RHOU: variants seen among roughly 807,000 people sequenced by gnomAD.
The protein encoded by RHOU is rho-related GTP-binding protein RhoU.
RHOU carries 8 observed loss-of-function variants against 12.6 expected under a neutral mutation model. That is an observed-to-expected ratio of 0.64 (90% confidence interval 0.37 to 1.15). The LOEUF (loss-of-function observed/expected upper bound fraction) is 1.15, where lower values mean the gene tolerates loss of function less well. Among genes scored for constraint, RHOU ranks in the 50% most tolerant of loss-of-function variants. The pLI is 0.01. For synonymous variants in RHOU, 161 were observed against 147.4 expected, an observed-to-expected ratio of 1.09 and a Z score of -0.67; for missense variants, 258 against 347.0, an observed-to-expected ratio of 0.74 and a Z score of 2.04.
Position 228,743,905 on chromosome 1 carries a change from CTTGT to C in RHOU, c.*173_*176del, listed in dbSNP as rs1203201132. 9.7e-5 allele frequency: 61 copies of C among 626,710 alleles called. No homozygotes were observed. Among genetic ancestry groups the C allele is most frequent in the Middle Eastern group, 3.4e-4 (1 of 2,974 alleles). The allele number at this position is 626,710 out of a possible 1,614,324, so 38.8% of individuals were successfully genotyped here. On this transcript the variant is annotated 3_prime_UTR_variant, in exon 3 of 3. Transcript: ENST00000366691. This position sits in a 1 kb window ranked among gnomAD's most constrained non-coding sequence, Gnocchi z 5.1. ...ATGTATTCTTTCTGCCTTTAATTTT[CTTGT>C]TTGTTTGAGCTTAGGGATGAGATAC...
chr1:228,728,658 A>G, the RHOU span, among the ~76,000 whole-genome samples: 1 of 152,208 alleles, frequency 6.6e-6, no homozygotes, highest in African/African-American at 2.4e-5. Context: ...AATATGATTT[A>G]TATGTTTGAA....
chr1:228,729,900 C>T, the RHOU span, among the ~76,000 whole-genome samples: 1 of 152,204 alleles, frequency 6.6e-6, no homozygotes, highest in Non-Finnish European at 1.5e-5. Flanking sequence ...GGCAGGGAAA[C>T]TAGTATCAGC....
chr1:228,677,816 A>G, the RHOU span, among the ~76,000 whole-genome samples: 1 of 152,210 alleles, frequency 6.6e-6, no homozygotes. Flanking sequence ...GAGCCACTAA[A>G]TACCAAGAGC....
the RHOU span, chr1:228,652,623 T>A: frequency 3.3e-5 from 5 of 152,216 alleles, no homozygotes; most frequent in Admixed American, 1.3e-4. Flanking sequence ...TTAAAAAAAA[T>A]TTTATATTTC....
the RHOU span, among the ~76,000 whole-genome samples, chr1:228,693,862 T>C: frequency 6.6e-6 from 1 of 152,224 alleles, no homozygotes; most frequent in Non-Finnish European, 1.5e-5. Flanking sequence ...TAGTATTCTT[T>C]TTTACCCAAT....
the RHOU span, among the ~76,000 whole-genome samples, chr1:228,723,541 G>A: frequency 6.6e-6 from 1 of 152,200 alleles, no homozygotes; most frequent in Admixed American, 6.5e-5. Context: ...GTGGGGCAAG[G>A]GCAAGGAGGC....
At chr1:228,657,279 CAAAAAA>C in the RHOU span, among the ~76,000 whole-genome samples, 1 of 28,030 alleles carries the variant, frequency 3.6e-5, no homozygotes, top group Non-Finnish European at 6.2e-5. Context: ...AACTCCATCT[CAAAAAA>C]AAAAAAAAAA....
chr1:228,697,217 CA>C, the RHOU span, among the ~76,000 whole-genome samples: 1 of 152,190 alleles, frequency 6.6e-6, no homozygotes, highest in Non-Finnish European at 1.5e-5. Context: ...AGAGATGTGT[CA>C]AAACTTTCAT....
At chr1:228,649,497 A>G in the RHOU span, among the ~76,000 whole-genome samples, 1 of 152,200 alleles carries the variant, frequency 6.6e-6, no homozygotes, top group African/African-American at 2.4e-5. Context: ...ACAGCGCTTA[A>G]AAGGGTTAAG....
the RHOU span, among the ~76,000 whole-genome samples, chr1:228,728,202 G>T: frequency 6.6e-6 from 1 of 152,236 alleles, no homozygotes; most frequent in Non-Finnish European, 1.5e-5. Flanking sequence ...GGTGCCACCA[G>T]TGTAGCTCAG....
chr1:228,714,873 A>G, the RHOU span, among the ~76,000 whole-genome samples: 1 of 149,806 alleles, frequency 6.7e-6, no homozygotes, highest in Non-Finnish European at 1.5e-5. Context: ...CCTCCTGAGT[A>G]GCTGAGACTA....
At chr1:228,722,733 C>T in the RHOU span, among the ~76,000 whole-genome samples, 4 of 152,084 alleles carry the variant, frequency 2.6e-5, no homozygotes, top group Non-Finnish European at 5.9e-5. Context: ...AGCGATTCTC[C>T]TGCCTCAGCC....
chr1:228,646,993 C>G, the RHOU span, among the ~76,000 whole-genome samples: 3 of 151,064 alleles, frequency 2.0e-5, no homozygotes, highest in Non-Finnish European at 3.0e-5. Context: ...AGAGGGAAGG[C>G]TAGAGAAATA....
At chr1:228,687,458 T>C in the RHOU span, 1 of 1,527,170 alleles carries the variant, frequency 6.5e-7, no homozygotes, top group Admixed American at 1.7e-5. Flanking sequence ...ACCAATCTCA[T>C]GAGGAGAGGG....
the RHOU span, among the ~76,000 whole-genome samples, chr1:228,727,285 C>G: frequency 6.6e-6 from 1 of 152,100 alleles, no homozygotes; most frequent in Admixed American, 6.5e-5. Flanking sequence ...CCTCTTGATG[C>G]AGTAGACACT....
At chr1:228,704,450 T>C in the RHOU span, among the ~76,000 whole-genome samples, 1 of 152,050 alleles carries the variant, frequency 6.6e-6, no homozygotes, top group Non-Finnish European at 1.5e-5. Context: ...CAATTTTTTT[T>C]ATTTTTATTT....
At chr1:228,664,734 A>T in the RHOU span, among the ~76,000 whole-genome samples, 1 of 152,080 alleles carries the variant, frequency 6.6e-6, no homozygotes, top group East Asian at 1.9e-4. Context: ...CCCAGGTTCA[A>T]GCAATTCTTC....
the RHOU span, among the ~76,000 whole-genome samples, chr1:228,707,269 T>TATATA: frequency 1.1e-4 from 12 of 113,594 alleles, no homozygotes; most frequent in Admixed American, 4.6e-4. Flanking sequence ...TGTGTGTGTG[T>TATATA]GTGTGTGTGT....
chr1:228,647,840 G>C, the RHOU span: 2 of 152,320 alleles, frequency 1.3e-5, no homozygotes, highest in African/African-American at 4.8e-5. Context: ...TGAAAAGAGG[G>C]AGCAGATTTA....
Sources: allele counts gnomAD v4.1 joint callset (sites outside exome capture counted in the v4.1 genomes callset), GRCh38; gene constraint gnomAD v4.1.1; non-coding constraint Gnocchi (gnomAD v3.1); transcripts MANE v1.5; gene names NCBI Gene and HGNC (gene_info 2026-07-23, HGNC 2026-07-21).